The following TMTC2 variants were observed in gnomAD, a reference collection of about 807,000 sequenced individuals.
The protein encoded by TMTC2 is protein O-mannosyl-transferase TMTC2.
TMTC2 carries 43 observed loss-of-function variants against 82.4 expected under a neutral mutation model. The observed-to-expected ratio is 0.52, with a 90% CI of 0.41 to 0.67. TMTC2 has a LOEUF of 0.67. Among genes scored for constraint, TMTC2 ranks in the 30% least tolerant of loss-of-function variants. The pLI, the probability that TMTC2 is intolerant of heterozygous loss-of-function variation, is 0.00. For missense variants in TMTC2, 919 were observed against 1,012.4 expected (o/e 0.91, Z 1.25); for synonymous variants, 408 against 381.9 (o/e 1.07, Z -0.80).
At chr12:83,006,470 T>G (rs930718487) in intron 8 of TMTC2, among the ~76,000 whole-genome samples, 2 of 152,204 alleles carry the variant, frequency 1.3e-5, no homozygotes, top group African/African-American at 4.8e-5. Context: ...TCTTTCTTTT[T>G]TCTTAGTCTG....
intron 1 of TMTC2, among the ~76,000 whole-genome samples, chr12:82,843,041 G>A (rs1402887402): frequency 2.6e-5 from 4 of 152,196 alleles, no homozygotes; most frequent in African/African-American, 9.7e-5. Context: ...ACAAAGAGCA[G>A]TGACAAAGTT....
At chr12:82,828,982 T>C (rs185528523) in intron 1 of TMTC2, among the ~76,000 whole-genome samples, 128 of 152,292 alleles carry the variant, frequency 8.4e-4, no homozygotes, top group Admixed American at 1.7e-3. Context: ...GACACTGTTA[T>C]AGAACTGAAT....
intron 7 of TMTC2, among the ~76,000 whole-genome samples, chr12:82,974,599 A>G (rs1878589250): frequency 6.6e-6 from 1 of 152,212 alleles, no homozygotes; most frequent in Non-Finnish European, 1.5e-5. Flanking sequence ...CTCAGTCATC[A>G]TAAGGGTCAT....
intron 8 of TMTC2, among the ~76,000 whole-genome samples, chr12:83,012,015 G>GT (rs1421450662): frequency 1.5e-4 from 23 of 152,258 alleles, no homozygotes; most frequent in Admixed American, 8.5e-4. Flanking sequence ...CAGTCAGGCC[G>GT]TAACACTCAC....
chr12:82,752,124 GT>G, intron 1 of TMTC2, among the ~76,000 whole-genome samples: 1 of 130,396 alleles, frequency 7.7e-6, no homozygotes, highest in Non-Finnish European at 1.7e-5. Context: ...TGTCAACTAT[GT>G]TTTTATATTT....
chr12:82,768,101 C>T (rs1014304927), intron 1 of TMTC2, among the ~76,000 whole-genome samples: 1 of 152,210 alleles, frequency 6.6e-6, no homozygotes, highest in African/African-American at 2.4e-5. Flanking sequence ...CCAGGGGCTT[C>T]TCCTCTCAGA....
chr12:82,954,999 A>G (rs1374333656), intron 4 of TMTC2, among the ~76,000 whole-genome samples: 1 of 152,140 alleles, frequency 6.6e-6, no homozygotes, highest in Non-Finnish European at 1.5e-5. Context: ...CTTCTTGTAT[A>G]GTTGGTGTGT....
At chr12:83,055,954 G>T in intron 10 of TMTC2, among the ~76,000 whole-genome samples, 1 of 152,024 alleles carries the variant, frequency 6.6e-6, no homozygotes, top group African/African-American at 2.4e-5. Flanking sequence ...TGGTAAAGCA[G>T]GGGTTAAGGC....
chr12:82,896,242 A>G lies in TMTC2; in HGVS notation c.1079A>G (p.Tyr360Cys), dbSNP rs1468549499. The change falls in exon 3 of 12, where the codon TAC (tyrosine) becomes TGC (cysteine). Residue 360 changes from tyrosine to cysteine, a missense_variant. By Grantham distance (194) the Tyr-to-Cys change is radical. Transcript: ENST00000321196. ...CATAGCTGCCTTTCAGATGTGGAGT[A>G]CCAGAACTCAGAGACTAAGTCCAGC... The part of the protein sequence containing the change: ...NGHSCLSDVE[Y>C]QNSETKSSFA... The G allele has an allele frequency of 1.2e-6, 2 of 1,613,998 alleles. No homozygotes were observed. Among genetic ancestry groups the G allele is most frequent in the Admixed American group, 3.3e-5 (2 of 59,980 alleles).
chr12:82,986,804 C>T (rs1050220306), intron 8 of TMTC2, among the ~76,000 whole-genome samples: 1 of 152,122 alleles, frequency 6.6e-6, no homozygotes, highest in Non-Finnish European at 1.5e-5. Flanking sequence ...ATGGTAATTT[C>T]ATATATTTCA....
chr12:82,892,017 G>A (rs1435737119), intron 2 of TMTC2, among the ~76,000 whole-genome samples: 3 of 152,240 alleles, frequency 2.0e-5, no homozygotes, highest in African/African-American at 7.2e-5. Context: ...AGTAAGCCAT[G>A]ATTGTACCAC....
intron 4 of TMTC2, among the ~76,000 whole-genome samples, chr12:82,951,541 G>A (rs910447691): frequency 7.9e-5 from 12 of 152,108 alleles, no homozygotes; most frequent in Admixed American, 2.6e-4. Flanking sequence ...GGCTAGTCTC[G>A]AACTCCTGAG....
chr12:83,102,332 G>C (rs999941671), intron 11 of TMTC2, among the ~76,000 whole-genome samples: 1 of 152,172 alleles, frequency 6.6e-6, no homozygotes, highest in South Asian at 2.1e-4. Flanking sequence ...TGCTCAAATA[G>C]AGCTGTATAA....
At chr12:83,015,757 A>G (rs1880648941) in intron 8 of TMTC2, among the ~76,000 whole-genome samples, 1 of 152,222 alleles carries the variant, frequency 6.6e-6, no homozygotes, top group South Asian at 2.1e-4. Flanking sequence ...TAATAATGCC[A>G]AAACACATGT....
intron 2 of TMTC2, among the ~76,000 whole-genome samples, chr12:82,864,723 G>C (rs1871744524): frequency 6.6e-6 from 1 of 151,232 alleles, no homozygotes; most frequent in Non-Finnish European, 1.5e-5. Context: ...GGATGGTCTT[G>C]ATCTCTTGAC....
chr12:83,091,549 T>C (rs1883849893), intron 11 of TMTC2, among the ~76,000 whole-genome samples: 1 of 152,244 alleles, frequency 6.6e-6, no homozygotes, highest in Non-Finnish European at 1.5e-5. Flanking sequence ...ATAATGTCCA[T>C]TTTTTATGTT....
intron 3 of TMTC2, among the ~76,000 whole-genome samples, chr12:82,926,085 G>T (rs1336878625): frequency 6.6e-6 from 1 of 151,410 alleles, no homozygotes; most frequent in African/African-American, 2.4e-5. Flanking sequence ...GGGTTCAAGC[G>T]ATTCCCCTGC....
intron 9 of TMTC2, among the ~76,000 whole-genome samples, chr12:83,047,935 G>A (rs868487793): frequency 6.6e-5 from 10 of 152,148 alleles, no homozygotes; most frequent in South Asian, 2.1e-4. Context: ...CCTGGACATT[G>A]CTTGTAAAGG....
In TMTC2 at chr12:82,895,821, A is replaced by G. The variant is rs1353719999; in HGVS notation, c.658A>G (p.Lys220Glu). Residue 220 changes from lysine to glutamate, a missense_variant, in exon 3 of 12, where the codon AAG (lysine) becomes GAG (glutamate). Coordinates refer to ENST00000321196, the MANE Select transcript of TMTC2 (RefSeq NM_152588.3). The stretch of plus-strand genomic sequence containing the variant: ...CCCTTCTCTCTTTTGGTTTCAGAGG[A>G]AGAACTTGTCGCTTTTCCTAAGCAT... Reference protein sequence around the residue: ...KQILPTIYKRKNLSLFLSISL... With the variant: ...KQILPTIYKRENLSLFLSISL... 1 of 1,601,114 alleles carries G rather than the reference A, an allele frequency of 6.2e-7. No individual in the cohort carries two copies. Among genetic ancestry groups the G allele is most frequent in the Admixed American group, 1.7e-5 (1 of 58,258 alleles).
Sources: allele counts gnomAD v4.1 joint callset (sites outside exome capture counted in the v4.1 genomes callset), GRCh38; gene constraint gnomAD v4.1.1; transcripts MANE v1.5; gene names NCBI Gene and HGNC (gene_info 2026-07-23, HGNC 2026-07-21).